RAB10: variants seen among roughly 807,000 people sequenced by gnomAD.
RAB10 encodes the protein ras-related protein Rab-10.
Under a neutral mutation model 25.7 loss-of-function variants are expected in RAB10, and 5 were observed. The ratio of observed to expected loss-of-function variants is 0.19; its 90% CI spans 0.10 to 0.41. The LOEUF is 0.41. Among genes scored for constraint, RAB10 ranks in the 10% least tolerant of loss-of-function variants. The pLI is 1.00. For missense variants in RAB10, 103 were observed against 245.8 expected (o/e 0.42, Z 3.89); for synonymous variants, 89 against 86.4 (o/e 1.03, Z -0.16).
At chr2:26,124,389 CTTTTT>C (rs10669615) in intron 3 of RAB10, among the ~76,000 whole-genome samples, 87 of 19,662 alleles carry the variant, frequency 4.4e-3, no homozygotes, top group African/African-American at 0.012. Context: ...GTTGTTGTTG[CTTTTT>C]TTTTTTTTTT....
chr2:26,052,169 G>T (rs1666153034), intron 1 of RAB10, among the ~76,000 whole-genome samples: 1 of 152,056 alleles, frequency 6.6e-6, no homozygotes, highest in Admixed American at 6.6e-5. Context: ...TTTGAGCCCA[G>T]GAGTTTGAGA....
chr2:26,093,873 A>G (rs1402384689), intron 1 of RAB10, among the ~76,000 whole-genome samples: 2 of 152,066 alleles, frequency 1.3e-5, no homozygotes, highest in Non-Finnish European at 2.9e-5. Context: ...AAAATTTACT[A>G]CCTTGTTTTT....
intron 1 of RAB10, among the ~76,000 whole-genome samples, chr2:26,041,721 A>G (rs909263410): frequency 3.3e-5 from 5 of 151,942 alleles, no homozygotes; most frequent in African/African-American, 7.3e-5. Flanking sequence ...CCTGGCCAAC[A>G]TGGTGAAACC....
chr2:26,106,503 G>A (rs1027495648), intron 2 of RAB10, among the ~76,000 whole-genome samples: 6 of 152,142 alleles, frequency 3.9e-5, no homozygotes, highest in African/African-American at 1.4e-4. Context: ...TTATTACTTC[G>A]ACATTTCAAG....
At chr2:26,033,483 T>C (rs982670381), upstream of RAB10, among the ~76,000 whole-genome samples, 1 of 152,192 alleles carries the variant, frequency 6.6e-6, no homozygotes, top group Non-Finnish European at 1.5e-5. Flanking sequence ...TTGAAGTCAA[T>C]CCGGATGGAG....
intron 1 of RAB10, among the ~76,000 whole-genome samples, chr2:26,041,734 G>C (rs182964693): frequency 1.1e-3 from 163 of 151,780 alleles, no homozygotes; most frequent in African/African-American, 3.7e-3. Flanking sequence ...GTGAAACCCT[G>C]TCTCTACCAA....
At chr2:26,057,189 T>C (rs1160847929) in intron 1 of RAB10, among the ~76,000 whole-genome samples, 1 of 152,022 alleles carries the variant, frequency 6.6e-6, no homozygotes, top group Non-Finnish European at 1.5e-5. Context: ...GTCTGGGAGG[T>C]AAGGAGTAGA....
At chr2:26,106,429 A>T (rs1667464082) in intron 2 of RAB10, among the ~76,000 whole-genome samples, 1 of 152,200 alleles carries the variant, frequency 6.6e-6, no homozygotes, top group African/African-American at 2.4e-5. Context: ...CCAGACACAG[A>T]TTGAACTGTG....
chr2:26,098,643 C>G lies in RAB10; in HGVS notation c.128-19C>G. On this transcript the variant is annotated intron_variant, in intron 1 of 5. Coordinates refer to ENST00000264710, the MANE Select transcript of RAB10 (RefSeq NM_016131.5). ...ATGTAAAGCCACAGTTACAGTTTAC[C>G]TTTTTTTCTGCATTGTAGGAATAGA... is the stretch of plus-strand genomic sequence containing the variant. 6.5e-7 allele frequency: 1 copy of G among 1,547,292 alleles called. No individual in the cohort carries two copies. The highest frequency in any genetic ancestry group is 8.9e-7 in the Non-Finnish European group (1 of 1,125,944).
At chr2:26,088,845 G>A (rs1163393331) in intron 1 of RAB10, among the ~76,000 whole-genome samples, 15 of 151,814 alleles carry the variant, frequency 9.9e-5, no homozygotes, top group Admixed American at 9.8e-4. Flanking sequence ...GACTGGTCTC[G>A]AACTCCTGAC....
chr2:26,041,743 A>C (rs984662358), intron 1 of RAB10, among the ~76,000 whole-genome samples: 1 of 151,888 alleles, frequency 6.6e-6, no homozygotes, highest in Non-Finnish European at 1.5e-5. Context: ...TGTCTCTACC[A>C]AAAATACAAA....
At chr2:26,056,395 C>T (rs1055055736) in intron 1 of RAB10, among the ~76,000 whole-genome samples, 1 of 151,930 alleles carries the variant, frequency 6.6e-6, no homozygotes, top group Non-Finnish European at 1.5e-5. Context: ...TAGTGGGTTT[C>T]ACCTTGTTGG....
At chr2:26,058,420 C>T (rs1666314194) in intron 1 of RAB10, among the ~76,000 whole-genome samples, 1 of 151,834 alleles carries the variant, frequency 6.6e-6, no homozygotes, top group Admixed American at 6.6e-5. Context: ...TATCCTGATG[C>T]TTTTTTCTTT....
chr2:26,037,387 C>T (rs1425546772), intron 1 of RAB10, among the ~76,000 whole-genome samples: 1 of 152,002 alleles, frequency 6.6e-6, no homozygotes, highest in African/African-American at 2.4e-5. Context: ...TCCTGTAATC[C>T]CAGCTCTTTG....
intron 1 of RAB10, among the ~76,000 whole-genome samples, chr2:26,045,967 G>T (rs1665993543): frequency 6.6e-6 from 1 of 152,204 alleles, no homozygotes. Context: ...ATAGAGGTGG[G>T]TCCTTCAAAT....
intron 1 of RAB10, among the ~76,000 whole-genome samples, chr2:26,085,888 A>G (rs1482538118): frequency 2.7e-5 from 4 of 150,870 alleles, no homozygotes; most frequent in Non-Finnish European, 5.9e-5. Flanking sequence ...AATCCCAGCT[A>G]CTTGGGAGGC....
intron 3 of RAB10, among the ~76,000 whole-genome samples, chr2:26,114,074 T>G (rs1559596848): frequency 6.6e-6 from 1 of 152,148 alleles, no homozygotes; most frequent in Non-Finnish European, 1.5e-5. Context: ...AAAATATTGT[T>G]GAAAGAAATT....
chr2:26,095,539 G>A (rs1009611932), intron 1 of RAB10, among the ~76,000 whole-genome samples: 6 of 151,960 alleles, frequency 3.9e-5, no homozygotes, highest in African/African-American at 9.7e-5. Flanking sequence ...CCCGGGAGGC[G>A]GAGCTTACAG....
chr2:26,092,308 TGTGTGTGTG>T (rs1667126654), intron 1 of RAB10, among the ~76,000 whole-genome samples: 2 of 65,522 alleles, frequency 3.1e-5, no homozygotes, highest in Admixed American at 1.8e-4. Flanking sequence ...TGTGTGTGTG[TGTGTGTGTG>T]TGTGTTGGGG....
Sources: allele counts gnomAD v4.1 joint callset (sites outside exome capture counted in the v4.1 genomes callset), GRCh38; gene constraint gnomAD v4.1.1; transcripts MANE v1.5; gene names NCBI Gene and HGNC (gene_info 2026-07-23, HGNC 2026-07-21).